The following PXT1 variants were observed in gnomAD, a reference collection of about 807,000 sequenced individuals.
The protein encoded by PXT1 is peroxisomal testis enriched protein 1, also known as peroxisomal testis-specific protein 1.
PXT1 carries 11 observed loss-of-function variants against 11.0 expected under a neutral mutation model. The observed-to-expected ratio is 1.00, with a 90% CI of 0.63 to 1.66. The LOEUF (loss-of-function observed/expected upper bound fraction) is 1.66, where lower values mean the gene tolerates loss of function less well. PXT1 is among the 40% of genes most tolerant of loss of function. PXT1 has a pLI of 0.00. For synonymous variants in PXT1, 43 were observed against 51.4 expected (o/e 0.84, Z 0.70); for missense variants, 141 against 155.5 (o/e 0.91, Z 0.49).
intron 2 of PXT1, among the ~76,000 whole-genome samples, chr6:36,435,315 C>T (rs974739484): frequency 6.6e-6 from 1 of 152,188 alleles, no homozygotes; most frequent in African/African-American, 2.4e-5. Context: ...GCCAGCACTT[C>T]GAGAGGTCAA....
intron 3 of PXT1, among the ~76,000 whole-genome samples, chr6:36,404,261 A>AT (rs1774256647): frequency 6.6e-6 from 1 of 152,236 alleles, no homozygotes; most frequent in African/African-American, 2.4e-5. Context: ...CATGGGTCGC[A>AT]TAACTGTGTT....
At position 36,437,266 on chromosome 6, in the gene PXT1, G is replaced by A. The variant is rs140282613; in HGVS notation, c.-10+1501C>T. Among the ~76,000 whole-genome samples the A allele has an allele frequency of 3.5e-3, 528 of 150,260 alleles. 1 individual carries two copies. The highest frequency in any genetic ancestry group is 0.012 in the African/African-American group (494 of 40,668). ...TATACCACTGCACTCCAGCCTGAGC[G>A]ACAGAGCGAGACTCCATCTCAAAAC... On this transcript the variant is annotated intron_variant, in intron 2 of 4. Coordinates refer to ENST00000454782, the MANE Select transcript of PXT1 (RefSeq NM_152990.4).
intron 3 of PXT1, among the ~76,000 whole-genome samples, chr6:36,410,022 G>C (rs1774346847): frequency 6.6e-6 from 1 of 151,576 alleles, no homozygotes; most frequent in Non-Finnish European, 1.5e-5. Context: ...GAGAAAGAAA[G>C]GAAGGAAGGG....
At chr6:36,413,124 A>T (rs1774397840) in intron 3 of PXT1, among the ~76,000 whole-genome samples, 1 of 152,222 alleles carries the variant, frequency 6.6e-6, no homozygotes, top group Non-Finnish European at 1.5e-5. Flanking sequence ...AAACATTCAT[A>T]TTAGAAAATC....
At chr6:36,427,700 C>G in intron 2 of PXT1, among the ~76,000 whole-genome samples, 1 of 152,012 alleles carries the variant, frequency 6.6e-6, no homozygotes, top group South Asian at 2.1e-4. Flanking sequence ...ATTTTACATT[C>G]TTATTAATTT....
At chr6:36,440,106 A>T (rs1268516558) in intron 1 of PXT1, among the ~76,000 whole-genome samples, 1 of 148,972 alleles carries the variant, frequency 6.7e-6, no homozygotes, top group Non-Finnish European at 1.5e-5. Context: ...TCAGAAAACA[A>T]AAGAAAACGA....
intron 1 of PXT1, among the ~76,000 whole-genome samples, chr6:36,439,456 A>G (rs976914014): frequency 6.6e-6 from 1 of 151,320 alleles, no homozygotes; most frequent in South Asian, 2.1e-4. Context: ...TACTAAAAAT[A>G]AAAAAAATTA....
intron 2 of PXT1, among the ~76,000 whole-genome samples, 184 bp downstream of exon 2, chr6:36,438,583 C>A (rs901521380): frequency 6.6e-6 from 1 of 152,102 alleles, no homozygotes; most frequent in Admixed American, 6.5e-5. Flanking sequence ...CCACCACGCC[C>A]GGCTAATTGT....
intron 2 of PXT1, among the ~76,000 whole-genome samples, chr6:36,432,978 G>A (rs1774713820): frequency 6.6e-6 from 1 of 151,180 alleles, no homozygotes; most frequent in Admixed American, 6.6e-5. Flanking sequence ...ACATATTGGT[G>A]GCTCCCATAG....
In PXT1 at chr6:36,400,512, T is replaced by C. The variant is rs760189370; in HGVS notation, c.242A>G (p.Lys81Arg). 1.9e-6 allele frequency: 3 copies of C among 1,614,050 alleles called. No homozygotes were observed. In the East Asian group the frequency reaches 6.7e-5, roughly 36 times the overall value. ...AATGTGTCTCAGCTGCATGGCCAAC[T>C]TGTGAATTATTTCCTCCTGGTGATG... Reference protein sequence around the residue: ...QKHHQEEIIHKLAMQLRHIGD... With the variant: ...QKHHQEEIIHRLAMQLRHIGD... The change falls in exon 4 of 5, where the codon AAG becomes AGG. Residue 81 changes from lysine to arginine, a missense_variant. Physicochemically the swap from Lys to Arg is conservative, Grantham distance 26 (BLOSUM62 2). Coordinates refer to ENST00000454782, the MANE Select transcript of PXT1 (RefSeq NM_152990.4).
At chr6:36,395,298 T>G (rs756085963) in intron 4 of PXT1, among the ~76,000 whole-genome samples, 16 of 152,118 alleles carry the variant, frequency 1.1e-4, no homozygotes, top group Non-Finnish European at 1.8e-4. Context: ...GAATAAAAGT[T>G]TCTTTAAATA....
chr6:36,418,791 C>T (rs146507352), intron 3 of PXT1, among the ~76,000 whole-genome samples: 375 of 152,300 alleles, frequency 2.5e-3, no homozygotes, highest in African/African-American at 8.5e-3. Context: ...TCCACCGTTA[C>T]ACTCCCACTC....
In PXT1 at chr6:36,400,002, A is replaced by G. The variant is rs117224741; in HGVS notation, c.300+452T>C. 1.3e-4 allele frequency among the ~76,000 whole-genome samples: 20 copies of G among 152,306 alleles called. No individual in the cohort carries two copies. In the East Asian group the frequency reaches 3.9e-3, roughly 29 times the overall value. On this transcript the variant is annotated intron_variant, in intron 4 of 4. Transcript: ENST00000454782. ...GGTTCCCAGGCCTTACCTTGTGCCAATTAAATCAGAATTTCTCCAGGTTGG... is the reference window on the plus strand; with the variant it reads ...GGTTCCCAGGCCTTACCTTGTGCCAGTTAAATCAGAATTTCTCCAGGTTGG...
chr6:36,413,684 A>C (rs1774408004), intron 3 of PXT1, among the ~76,000 whole-genome samples: 1 of 152,192 alleles, frequency 6.6e-6, no homozygotes, highest in African/African-American at 2.4e-5. Flanking sequence ...TTCTATGCCC[A>C]GCTAAACTGT....
intron 3 of PXT1, among the ~76,000 whole-genome samples, chr6:36,402,337 A>G (rs1774225641): frequency 6.6e-6 from 1 of 152,236 alleles, no homozygotes; most frequent in Non-Finnish European, 1.5e-5. Context: ...GAAGAGAAGG[A>G]AATGAATTTG....
Position 36,391,072 on chromosome 6 carries a change from G to A in PXT1, c.*698C>T, listed in dbSNP as rs1228279039. On this transcript the variant is annotated 3_prime_UTR_variant, in exon 5 of 5. Coordinates refer to ENST00000454782, the MANE Select transcript of PXT1 (RefSeq NM_152990.4). ...TTGAAGGGGGTCACAGAGGAGTGAGGGGATCAAAGGTGAGAAAAGAACGTA... is the reference window on the plus strand; with the variant it reads ...TTGAAGGGGGTCACAGAGGAGTGAGAGGATCAAAGGTGAGAAAAGAACGTA... 1 of 152,462 alleles carries A rather than the reference G, an allele frequency of 6.6e-6. No homozygotes were observed. The highest frequency in any genetic ancestry group is 1.5e-5 in the Non-Finnish European group (1 of 68,276). 9.4% of individuals were successfully genotyped at this position (152,462 alleles called of 1,614,324 possible).
chr6:36,403,855 G>C (rs1000093132), intron 3 of PXT1, among the ~76,000 whole-genome samples: 33 of 152,332 alleles, frequency 2.2e-4, no homozygotes, highest in African/African-American at 7.5e-4. Context: ...GTGACAGAGA[G>C]AGAACCTGTC....
At chr6:36,429,508 C>CTTTTTTTTTTTTTTTTTTTTTTTTTTTT (rs112777415) in intron 2 of PXT1, among the ~76,000 whole-genome samples, 2 of 108,212 alleles carry the variant, frequency 1.8e-5, no homozygotes, top group African/African-American at 3.8e-5. Flanking sequence ...TTTTTCTTTT[C>CTTTTTTTTTTTTTTTTTTTTTTTTTTTT]TTTTTTTTTT....
At position 36,390,824 on chromosome 6, in the gene PXT1, A is replaced by C. The variant is rs1434568140; in HGVS notation, c.*946T>G. On this transcript the variant is annotated 3_prime_UTR_variant, in exon 5 of 5. Transcript: ENST00000454782. The stretch of plus-strand genomic sequence containing the variant: ...ACAGGCAAAGGGCCCACCAACCAAT[A>C]ATAGCAAAACCATCCAGCAATAGGA... 6.6e-6 allele frequency: 1 copy of C among 152,230 alleles called. No individual in the cohort carries two copies. Among genetic ancestry groups the C allele is most frequent in the Admixed American group, 6.5e-5 (1 of 15,270 alleles). The allele number at this position is 152,230 out of a possible 1,614,324, so 9.4% of individuals were successfully genotyped here.
Sources: allele counts gnomAD v4.1 joint callset (sites outside exome capture counted in the v4.1 genomes callset), GRCh38; gene constraint gnomAD v4.1.1; transcripts MANE v1.5; gene names NCBI Gene and HGNC (gene_info 2026-07-23, HGNC 2026-07-21).